The following C2CD3 variants were observed in gnomAD, a reference collection of about 807,000 sequenced individuals.
The protein encoded by C2CD3 is C2 domain-containing protein 3.
Under a neutral mutation model 234.0 loss-of-function variants are expected in C2CD3, and 148 were observed. That is an observed-to-expected ratio of 0.63 (90% CI 0.55 to 0.72). The LOEUF is 0.72. Ranked by LOEUF, C2CD3 falls within the 30% of genes least tolerant of loss-of-function variation. The probability of loss-of-function intolerance (pLI) is 0.00; values close to 1 mark genes in which losing one functional copy is unlikely to be tolerated. For synonymous variants in C2CD3, 1,000 were observed against 1,035.4 expected, an observed-to-expected ratio of 0.97 and a Z score of 0.66; for missense variants, 2,577 against 2,811.5, an observed-to-expected ratio of 0.92 and a Z score of 1.89.
At chr11:74,035,969 C>T (rs1349723899) in intron 30 of C2CD3, among the ~76,000 whole-genome samples, 3 of 152,082 alleles carry the variant, frequency 2.0e-5, no homozygotes, top group Non-Finnish European at 2.9e-5. Context: ...AAGCGATTCT[C>T]GTGTCTCAGA....
intron 3 of C2CD3, among the ~76,000 whole-genome samples, chr11:74,144,450 TA>T (rs1565342406): frequency 6.6e-6 from 1 of 151,474 alleles, no homozygotes; most frequent in African/African-American, 2.5e-5. Context: ...TTTTCTTTTT[TA>T]AAAAAATTTT....
chr11:74,083,322 C>G (rs1955478709), intron 22 of C2CD3, among the ~76,000 whole-genome samples: 1 of 152,144 alleles, frequency 6.6e-6, no homozygotes, highest in Non-Finnish European at 1.5e-5. Flanking sequence ...AATGTTAGAC[C>G]TGAAACCATA....
In C2CD3 at chr11:74,113,785, T is replaced by G; in HGVS notation, c.1838A>C (p.Asp613Ala). The G allele has an allele frequency of 6.3e-7, 1 of 1,583,786 alleles. No individual in the cohort carries two copies. Among genetic ancestry groups the G allele is most frequent in the Non-Finnish European group, 8.7e-7 (1 of 1,153,282 alleles). The part of the protein sequence containing the change: ...VVRLASSKIT[D>A]GKVKFQQRFV... ...AAAACCAGTGTGTCTCTTACTTCCA[T>G]CTGTAATTTTACTGGAGGCGAGTCG... The change falls in exon 11 of 33, where the codon GAT becomes GCT. Residue 613 changes from aspartate (D) to alanine (A), a missense_variant. Asp to Ala is a moderately radical substitution (Grantham distance 126). Transcript: ENST00000334126.
rs139397442 is a variant in C2CD3, at chr11:74,117,688, C to T, written c.1520+540G>A. 1.7e-3 allele frequency among the ~76,000 whole-genome samples: 262 copies of T among 151,812 alleles called. 2 individuals carry two copies. Among genetic ancestry groups the T allele is most frequent in the African/African-American group, 5.9e-3 (244 of 41,424 alleles). ...CAGCACTTTGGGAGGCCAAGGTGGG[C>T]GGATCACCTGAGGTTGGGAGTTCAA... is the stretch of plus-strand genomic sequence containing the variant. On this transcript the variant is annotated intron_variant, in intron 9 of 32. Transcript: ENST00000334126.
chr11:74,059,364 T>C (rs896840392), intron 24 of C2CD3, among the ~76,000 whole-genome samples: 1 of 141,870 alleles, frequency 7.0e-6, no homozygotes, highest in Non-Finnish European at 1.5e-5. Context: ...TGAGCCGAGA[T>C]TGCACCACTG....
intron 7 of C2CD3, among the ~76,000 whole-genome samples, chr11:74,123,691 T>G (rs545237239): frequency 2.0e-5 from 3 of 151,350 alleles, no homozygotes; most frequent in African/African-American, 7.2e-5. Context: ...CTCAGAATTT[T>G]GAAGGAACAA....
At position 74,049,368 on chromosome 11, in the gene C2CD3, G is replaced by A; in HGVS notation, c.5330C>T (p.Ala1777Val). The A allele has an allele frequency of 1.2e-6, 2 of 1,614,086 alleles. No individual in the cohort carries two copies. The highest frequency in any genetic ancestry group is 1.7e-6 in the Non-Finnish European group (2 of 1,179,970). Reference sequence around the variant, plus strand: ...TTTTGAGGTCTCCACTCCACGCCTTGCTTGCCTTTCTTCTTTGAAGTGTAT... The same window carrying A: ...TTTTGAGGTCTCCACTCCACGCCTTACTTGCCTTTCTTCTTTGAAGTGTAT... ...SLIHFKEERQ[A>V]RRGVETSKSL... Residue 1777 changes from alanine to valine, a missense_variant, in exon 27 of 33, where the codon GCA becomes GTA. Ala to Val is a moderately conservative substitution (Grantham distance 64). Coordinates refer to ENST00000334126, the MANE Select transcript of C2CD3 (RefSeq NM_001286577.2).
chr11:74,057,277 T>C (rs1186170681), intron 25 of C2CD3, 129 bp downstream of exon 25: 11 of 868,946 alleles, frequency 1.3e-5, no homozygotes, highest in East Asian at 7.5e-5. Flanking sequence ...GATTAAATAA[T>C]TGCTTGGATA....
At chr11:74,035,908 C>T (rs7946879) in intron 30 of C2CD3, among the ~76,000 whole-genome samples, 2,658 of 151,946 alleles carry the variant, frequency 0.017, 75 homozygotes, top group African/African-American at 0.061. Context: ...TTGTCCAGGC[C>T]GGGGTGCAGT....
chr11:74,139,086 C>T, intron 4 of C2CD3, 119 bp from the exon 5 acceptor site: 6 of 741,490 alleles, frequency 8.1e-6, no homozygotes, highest in Non-Finnish European at 8.7e-6. Flanking sequence ...CCTCAAAAAG[C>T]GTGACTTATT....
chr11:74,117,513 C>T (rs1957065519), intron 9 of C2CD3, among the ~76,000 whole-genome samples: 1 of 151,252 alleles, frequency 6.6e-6, no homozygotes, highest in Non-Finnish European at 1.5e-5. Context: ...ATCATATGTT[C>T]TCACTCATAA....
rs761624107 is a variant in C2CD3 at position 74,133,565 on chromosome 11, G to A, written c.956-8C>T. 3 of 1,613,390 alleles carry A rather than the reference G, an allele frequency of 1.9e-6. No individual in the cohort carries two copies. Among genetic ancestry groups the A allele is most frequent in the African/African-American group, 1.3e-5 (1 of 74,922 alleles). On this transcript the variant is annotated splice_region_variant and splice_polypyrimidine_tract_variant and intron_variant, in intron 5 of 32. Transcript: ENST00000334126. ...TGCCTTGTTCTAACAGAGCTGAAGA[G>A]GGTAAATGCAGAAAACAGAAAAATC...
In C2CD3 at chr11:74,049,506, A is replaced by G; in HGVS notation, c.5192T>C (p.Leu1731Pro). 3.7e-6 allele frequency: 6 copies of G among 1,612,564 alleles called. No individual in the cohort carries two copies. Among genetic ancestry groups the G allele is most frequent in the Non-Finnish European group, 5.1e-6 (6 of 1,179,976 alleles). ...ERVIGFASVD[L>P]SPLLSGFQFV... ...CTGGAAGCCAGAGAGAAGTGGGGAG[A>G]GGTCCACCGAGGCAAAGCCAATCAC... The change falls in exon 27 of 33, where the codon CTC becomes CCC. Residue 1731 changes from leucine (L) to proline (P), a missense_variant. Leu to Pro is a moderately conservative substitution (Grantham distance 98, BLOSUM62 -3). Coordinates refer to ENST00000334126, the MANE Select transcript of C2CD3 (RefSeq NM_001286577.2).
At chr11:74,154,918 A>C (rs1855912715) in intron 3 of C2CD3, among the ~76,000 whole-genome samples, 1 of 152,212 alleles carries the variant, frequency 6.6e-6, no homozygotes, top group Non-Finnish European at 1.5e-5. Flanking sequence ...GAATGGCAAA[A>C]ATTTAAAAGA....
chr11:74,034,737 T>A (rs902185988), intron 30 of C2CD3: 7 of 793,346 alleles, frequency 8.8e-6, no homozygotes, highest in Non-Finnish European at 1.3e-5. Flanking sequence ...CAGGGAAGAT[T>A]TACACAGAAA....
At chr11:74,125,697 C>A (rs952774628) in intron 7 of C2CD3, among the ~76,000 whole-genome samples, 7 of 151,924 alleles carry the variant, frequency 4.6e-5, no homozygotes, top group Non-Finnish European at 7.4e-5. Context: ...TTTATTGCAC[C>A]TTTTTTCTTA....
intron 26 of C2CD3, among the ~76,000 whole-genome samples, chr11:74,052,597 C>G (rs1239049210): frequency 6.6e-6 from 1 of 152,144 alleles, no homozygotes; most frequent in Non-Finnish European, 1.5e-5. Flanking sequence ...GAGAAAAAGC[C>G]TAGAAAGGAG....
intron 19 of C2CD3, among the ~76,000 whole-genome samples, 199 bp from the exon 20 acceptor site, chr11:74,091,135 T>C (rs1456189939): frequency 6.6e-6 from 1 of 152,248 alleles, no homozygotes. Context: ...TAATTTACTT[T>C]ACATTCAAGA....
intron 23 of C2CD3, among the ~76,000 whole-genome samples, chr11:74,077,771 GTATATATATATATA>G (rs553597652): frequency 4.3e-5 from 3 of 69,200 alleles, no homozygotes; most frequent in Non-Finnish European, 8.0e-5. Flanking sequence ...AGAACTTACA[GTATATATATATATA>G]TATATATATA....
Sources: allele counts gnomAD v4.1 joint callset (sites outside exome capture counted in the v4.1 genomes callset), GRCh38; gene constraint gnomAD v4.1.1; transcripts MANE v1.5; gene names NCBI Gene and HGNC (gene_info 2026-07-23, HGNC 2026-07-21).